The following ERC2 variants were observed in gnomAD, a reference collection of about 807,000 sequenced individuals.
The protein encoded by ERC2 is ERC protein 2.
Under a neutral mutation model 114.8 loss-of-function variants are expected in ERC2, and 42 were observed. That is an observed-to-expected ratio of 0.37 (90% CI 0.29 to 0.47). The LOEUF is 0.47. ERC2 is among the 20% of genes least tolerant of loss of function. ERC2 has a pLI of 0.99. For missense variants in ERC2, 939 were observed against 1,150.7 expected, an observed-to-expected ratio of 0.82 and a Z score of 2.66; for synonymous variants, 454 against 425.5, an observed-to-expected ratio of 1.07 and a Z score of -0.82.
intron 15 of ERC2, among the ~76,000 whole-genome samples, chr3:55,712,408 A>G (rs2063822291): frequency 1.3e-5 from 2 of 152,210 alleles, no homozygotes. Context: ...GGTAGTTGAT[A>G]TGCTGGGATG....
At chr3:56,106,024 A>G (rs1245793310) in intron 6 of ERC2, among the ~76,000 whole-genome samples, 1 of 152,230 alleles carries the variant, frequency 6.6e-6, no homozygotes. Flanking sequence ...TCTGGTACAG[A>G]AAGAAACTTG....
At chr3:56,335,835 A>G (rs6790858) in intron 2 of ERC2, among the ~76,000 whole-genome samples, 37,302 of 152,018 alleles carry the variant, frequency 0.25, 4,945 homozygotes, top group Non-Finnish European at 0.29. Flanking sequence ...GGCTGAATGA[A>G]AAAAGTGTGA....
At chr3:56,143,068 T>A (rs2080952467) in intron 5 of ERC2, among the ~76,000 whole-genome samples, 1 of 152,200 alleles carries the variant, frequency 6.6e-6, no homozygotes, top group Non-Finnish European at 1.5e-5. Flanking sequence ...GGCTCAAAGC[T>A]TTAAAACAGA....
intron 6 of ERC2, among the ~76,000 whole-genome samples, chr3:56,101,684 G>A (rs914575295): frequency 6.6e-6 from 1 of 152,098 alleles, no homozygotes; most frequent in Admixed American, 6.5e-5. Flanking sequence ...CAACAACTCG[G>A]GTTTCCTGAT....
chr3:56,157,826 T>C (rs939733406), intron 4 of ERC2, among the ~76,000 whole-genome samples: 6 of 151,738 alleles, frequency 4.0e-5, no homozygotes, highest in African/African-American at 7.3e-5. Flanking sequence ...ATGTGGAAAC[T>C]GGACCATGCC....
At chr3:55,824,159 A>G (rs1388807520) in intron 14 of ERC2, among the ~76,000 whole-genome samples, 2 of 152,200 alleles carry the variant, frequency 1.3e-5, no homozygotes, top group African/African-American at 4.8e-5. Context: ...TTAAAGACCT[A>G]ACCTCTAAAC....
chr3:55,540,195 G>A (rs575244893), intron 17 of ERC2, among the ~76,000 whole-genome samples: 1 of 152,302 alleles, frequency 6.6e-6, no homozygotes, highest in South Asian at 2.1e-4. Flanking sequence ...ATACAGACTA[G>A]ATGCTCTTTA....
At chr3:55,870,534 A>T (rs1054006582) in intron 14 of ERC2, among the ~76,000 whole-genome samples, 12 of 152,302 alleles carry the variant, frequency 7.9e-5, no homozygotes, top group African/African-American at 2.9e-4. Context: ...CCCACAGGGG[A>T]GGGAATGTGA....
chr3:56,287,202 C>A (rs2054779636), intron 3 of ERC2, among the ~76,000 whole-genome samples: 1 of 152,104 alleles, frequency 6.6e-6, no homozygotes, highest in East Asian at 1.9e-4. Context: ...CCGTGTCTCA[C>A]AATTGACACA....
intron 3 of ERC2, among the ~76,000 whole-genome samples, chr3:56,245,900 A>C (rs13064390): frequency 0.22 from 32,933 of 151,916 alleles, 4,508 homozygotes; most frequent in Non-Finnish European, 0.29. Flanking sequence ...CCTTTATGAG[A>C]TAGCTCCAGA....
chr3:55,893,662 C>G (rs1251236215), intron 13 of ERC2, among the ~76,000 whole-genome samples: 1 of 152,160 alleles, frequency 6.6e-6, no homozygotes, highest in Non-Finnish European at 1.5e-5. Flanking sequence ...TTTAAGACCT[C>G]AGAGCCACAT....
intron 13 of ERC2, among the ~76,000 whole-genome samples, chr3:55,928,967 T>C (rs545622057): frequency 6.6e-6 from 1 of 152,304 alleles, no homozygotes; most frequent in Admixed American, 6.5e-5. Flanking sequence ...TATTGGTCCA[T>C]GTATCTCTTT....
chr3:56,446,881 C>A (rs1192001905), intron 1 of ERC2, among the ~76,000 whole-genome samples: 1 of 152,054 alleles, frequency 6.6e-6, no homozygotes, highest in Non-Finnish European at 1.5e-5. Flanking sequence ...CCGGCCTCAG[C>A]CTCCCAAAGT....
intron 14 of ERC2, among the ~76,000 whole-genome samples, chr3:55,752,657 A>G (rs2066787546): frequency 6.6e-6 from 1 of 152,210 alleles, no homozygotes; most frequent in Non-Finnish European, 1.5e-5. Context: ...TCTAATGAGG[A>G]AGGTGCCATT....
intron 3 of ERC2, among the ~76,000 whole-genome samples, chr3:56,254,402 G>C (rs2052380499): frequency 6.6e-6 from 1 of 151,288 alleles, no homozygotes; most frequent in Non-Finnish European, 1.5e-5. Flanking sequence ...TGTATTTTCT[G>C]ACAGGACCCG....
intron 17 of ERC2, among the ~76,000 whole-genome samples, chr3:55,664,903 T>G (rs1443512311): frequency 6.6e-6 from 1 of 152,224 alleles, no homozygotes; most frequent in African/African-American, 2.4e-5. Context: ...CAAGCAGTGA[T>G]GGAGAAATGA....
At chr3:56,276,474 A>AAAAAAAAAAAAAAAAAAAAC (rs1446116012) in intron 3 of ERC2, among the ~76,000 whole-genome samples, 3 of 147,120 alleles carry the variant, frequency 2.0e-5, no homozygotes, top group Non-Finnish European at 3.0e-5. Flanking sequence ...AAAAAAAAAA[A>AAAAAAAAAAAAAAAAAAAAC]AAACAAACTC....
intron 6 of ERC2, among the ~76,000 whole-genome samples, chr3:56,108,949 T>C (rs2078812386): frequency 1.3e-5 from 2 of 152,220 alleles, no homozygotes; most frequent in Admixed American, 1.3e-4. Context: ...AAATAAATTA[T>C]ATTAAGATAA....
chr3:56,324,342 T>C (rs754121356), intron 2 of ERC2, among the ~76,000 whole-genome samples: 5 of 152,162 alleles, frequency 3.3e-5, no homozygotes, highest in Non-Finnish European at 7.3e-5. Flanking sequence ...GGCCACAATA[T>C]ACAGATGCTC....
Sources: gnomAD v4.1 joint callset for allele counts (sites outside exome capture counted in the v4.1 genomes callset) on GRCh38, gnomAD v4.1.1 for gene constraint, MANE v1.5 for transcripts, NCBI Gene and HGNC (gene_info 2026-07-23, HGNC 2026-07-21) for gene names.